The following DACH2 variants were observed in gnomAD, a reference collection of about 807,000 sequenced individuals.
DACH2 encodes the protein dachshund homolog 2.
A neutral mutation model predicts 35.8 loss-of-function variants in DACH2; 17 were observed. The observed-to-expected ratio is 0.48, with a 90% CI of 0.33 to 0.71. The LOEUF (loss-of-function observed/expected upper bound fraction) is 0.71. Ranked by LOEUF, DACH2 falls within the 30% of genes least tolerant of loss-of-function variation. DACH2 has a pLI of 0.02. For synonymous variants in DACH2, 195 were observed against 177.3 expected (o/e 1.10, Z -0.79); for missense variants, 469 against 472.7 (o/e 0.99, Z 0.07).
rs933894968 is a variant in DACH2, at chrX:86,651,103, T to C, written c.708T>C (p.Thr236=). The C allele has an allele frequency of 7.4e-6, 9 of 1,208,085 alleles. No individual in the cohort carries two copies. In the East Asian group the frequency reaches 2.1e-4, roughly 28 times the overall value. Residue 236 remains threonine, a synonymous_variant, in exon 4 of 12, where the codon ACT becomes ACC. Transcript: ENST00000373125. ...AGATGAAGCTTATGGCTATGAACAC[T>C]CTTCAGGGAAATGGAAGCCAAAATG... ...LQKMKLMAMN[T]LQGNGSQNGT...
intron 1 of DACH2, among the ~76,000 whole-genome samples, chrX:86,269,600 C>T (rs899759326): frequency 9.0e-6 from 1 of 111,531 alleles, no homozygotes; most frequent in African/African-American, 3.3e-5. Flanking sequence ...TCAAATTTCA[C>T]ACTTAACAGA....
chrX:86,334,987 T>C (rs748824809), intron 1 of DACH2, among the ~76,000 whole-genome samples: 128 of 112,337 alleles, frequency 1.1e-3, no homozygotes, highest in African/African-American at 3.8e-3. Context: ...GGCTAGCCAG[T>C]TTTCCCAACA....
At chrX:86,326,791 A>C (rs1320434546) in intron 1 of DACH2, among the ~76,000 whole-genome samples, 1 of 111,749 alleles carries the variant, frequency 8.9e-6, no homozygotes, top group Non-Finnish European at 1.9e-5. Flanking sequence ...TATGGTTAAA[A>C]AATCTATTTA....
intron 3 of DACH2, among the ~76,000 whole-genome samples, chrX:86,585,022 G>A (rs1388105867): frequency 9.0e-6 from 1 of 111,277 alleles, no homozygotes; most frequent in East Asian, 2.8e-4. Flanking sequence ...TGGTGTACAG[G>A]TACCAGATTT....
Position 86,714,680 on chromosome X carries a change from T to C in DACH2, c.1064T>C (p.Ile355Thr). 2.5e-6 allele frequency: 3 copies of C among 1,199,684 alleles called. No individual in the cohort carries two copies. Among genetic ancestry groups the C allele is most frequent in the Non-Finnish European group, 3.4e-6 (3 of 887,516 alleles). The change falls in exon 6 of 12, where the codon ATT becomes ACT. Residue 355 changes from isoleucine (I) to threonine (T), a missense_variant. Coordinates refer to ENST00000373125, the MANE Select transcript of DACH2 (RefSeq NM_053281.3). ...TIANMAAAAQ[I>T]HSPLSRAGTS... The stretch of plus-strand genomic sequence containing the variant: ...GCCAACATGGCTGCTGCAGCACAGA[T>C]TCACAGTCCACTCTCCAGAGCTGGT...
chrX:86,523,105 C>G (rs1257200063), intron 3 of DACH2, among the ~76,000 whole-genome samples: 1 of 111,908 alleles, frequency 8.9e-6, no homozygotes, highest in Non-Finnish European at 1.9e-5. Context: ...TTTGTTTATT[C>G]TAGCTATATC....
chrX:86,345,390 T>G (rs1489746015), intron 1 of DACH2: 2 of 286,510 alleles, frequency 7.0e-6, no homozygotes, highest in Non-Finnish European at 1.3e-5. Context: ...TGACATGAAT[T>G]AGATTGTGTT....
In DACH2 at chrX:86,297,043, G is replaced by GTATA. The variant is rs35078642; in HGVS notation, c.489-79756_489-79753dup. The stretch of plus-strand genomic sequence containing the variant: ...CAGTCCTATAAATAAATATAATTGT[G>GTATA]TATATATATATATATATATATATAT... On this transcript the variant is annotated intron_variant, in intron 1 of 11. Transcript: ENST00000373125. 9.7e-3 allele frequency among the ~76,000 whole-genome samples: 869 copies of GTATA among 89,894 alleles called. 3 individuals carry two copies. Among genetic ancestry groups the GTATA allele is most frequent in the East Asian group, 0.016 (45 of 2,816 alleles). 78.1% of individuals were successfully genotyped at this position (89,894 alleles called of 115,157 possible).
rs148164603 is a variant in DACH2 at position 86,408,731 on chromosome X, C to G, written c.527+31869C>G. On this transcript the variant is annotated intron_variant, in intron 2 of 11. Coordinates refer to ENST00000373125, the MANE Select transcript of DACH2 (RefSeq NM_053281.3). ...TCGGATATGCACTTTCTAATTATTC[C>G]TGTTAGGATCTGAACACAGGACACC... 2.1e-4 allele frequency among the ~76,000 whole-genome samples: 23 copies of G among 111,348 alleles called. No homozygotes were observed. In the East Asian group the frequency reaches 5.7e-3, roughly 27 times the overall value.
At chrX:86,254,162 A>T (rs917208233) in intron 1 of DACH2, among the ~76,000 whole-genome samples, 1 of 111,757 alleles carries the variant, frequency 8.9e-6, no homozygotes, top group African/African-American at 3.2e-5. Context: ...ATTTTAGATC[A>T]TAGGGAAATT....
At chrX:86,738,641 A>T (rs1484837175) in intron 6 of DACH2, among the ~76,000 whole-genome samples, 1 of 112,054 alleles carries the variant, frequency 8.9e-6, no homozygotes, top group African/African-American at 3.2e-5. Flanking sequence ...ATTTGGATTT[A>T]GTCATCAATT....
intron 4 of DACH2, among the ~76,000 whole-genome samples, chrX:86,665,368 A>G (rs746310756): frequency 1.8e-5 from 2 of 111,900 alleles, no homozygotes; most frequent in African/African-American, 6.5e-5. Context: ...AGAAGAGACA[A>G]AGAGAGGCAC....
chrX:86,242,508 C>T (rs1020894691), intron 1 of DACH2, among the ~76,000 whole-genome samples: 48 of 112,082 alleles, frequency 4.3e-4, no homozygotes, highest in African/African-American at 1.5e-3. Context: ...GGTTCATAGG[C>T]AGAAAGGACT....
At chrX:86,274,566 C>T (rs759277963) in intron 1 of DACH2, among the ~76,000 whole-genome samples, 1 of 90,419 alleles carries the variant, frequency 1.1e-5, no homozygotes, top group African/African-American at 4.1e-5. Context: ...GTGATCTCGG[C>T]TCACTGCAAG....
chrX:86,508,513 T>C (rs1374042662), intron 2 of DACH2, among the ~76,000 whole-genome samples: 1 of 109,774 alleles, frequency 9.1e-6, no homozygotes, highest in Non-Finnish European at 1.9e-5. Flanking sequence ...TGGGTTGAGA[T>C]TGCACCACTG....
At chrX:86,401,436 T>A (rs370152626) in intron 2 of DACH2, among the ~76,000 whole-genome samples, 1 of 111,774 alleles carries the variant, frequency 8.9e-6, no homozygotes, top group Non-Finnish European at 1.9e-5. Flanking sequence ...GTACCTCAGT[T>A]GGAAATGCAG....
intron 2 of DACH2, among the ~76,000 whole-genome samples, chrX:86,430,630 C>A (rs2036970519): frequency 8.9e-6 from 1 of 112,166 alleles, no homozygotes; most frequent in Admixed American, 9.5e-5. Context: ...AAGGTCTTAG[C>A]CATAAGGCCA....
At chrX:86,360,012 G>A (rs2035713003) in intron 1 of DACH2, among the ~76,000 whole-genome samples, 1 of 109,194 alleles carries the variant, frequency 9.2e-6, no homozygotes. Flanking sequence ...CTCCTGAGTA[G>A]CTGGGACCAT....
chrX:86,489,494 C>T (rs1254012641), intron 2 of DACH2, among the ~76,000 whole-genome samples: 1 of 110,469 alleles, frequency 9.1e-6, no homozygotes, highest in African/African-American at 3.3e-5. Context: ...ATACTGTATA[C>T]TTGAAAATTG....
Sources: allele counts gnomAD v4.1 joint callset (sites outside exome capture counted in the v4.1 genomes callset), GRCh38; gene constraint gnomAD v4.1.1; transcripts MANE v1.5; gene names NCBI Gene and HGNC (gene_info 2026-07-23, HGNC 2026-07-21).